The following MYSM1 variants were observed in gnomAD, a reference collection of about 807,000 sequenced individuals.
MYSM1 encodes the protein deubiquitinase MYSM1.
A neutral mutation model predicts 116.0 loss-of-function variants in MYSM1; 51 were observed. That is an observed-to-expected ratio of 0.44 (90% CI 0.35 to 0.56). The LOEUF is 0.56. Among genes scored for constraint, MYSM1 ranks in the 20% least tolerant of loss-of-function variants. The pLI is 0.00. For missense variants in MYSM1, 900 were observed against 974.9 expected (o/e 0.92, Z 1.02); for synonymous variants, 313 against 315.2 (o/e 0.99, Z 0.07).
chr1:58,674,467 T>C (rs1644612921), intron 10 of MYSM1, among the ~76,000 whole-genome samples: 1 of 152,190 alleles, frequency 6.6e-6, no homozygotes, highest in Non-Finnish European at 1.5e-5. Flanking sequence ...CTCTAATTGA[T>C]AACATCTTTA....
Position 58,661,455 on chromosome 1 carries a change from C to T in MYSM1, c.2221G>A (p.Val741Ile), listed in dbSNP as rs1393674482. 4 of 1,609,316 alleles carry T rather than the reference C, an allele frequency of 2.5e-6. No individual in the cohort carries two copies. In the South Asian group the frequency reaches 4.4e-5, roughly 18 times the overall value. Reference sequence around the variant, plus strand: ...ATTATCCATCTTGTCTTTTCAAATACTAATCCCCACTGAGGTTCTTCTAAC... The same window carrying T: ...ATTATCCATCTTGTCTTTTCAAATATTAATCCCCACTGAGGTTCTTCTAAC... ...QMLEEPQWGL[V>I]FEKTRWIIEK... Residue 741 changes from valine to isoleucine, a missense_variant, in exon 18 of 20, where the codon GTA becomes ATA. Val to Ile is a conservative substitution (Grantham distance 29, BLOSUM62 3). Around this residue, in one of 3 missense-constraint regions of MYSM1, gnomAD observed 186 missense variants for 196.2 expected, o/e 0.95. Transcript: ENST00000472487.
In MYSM1 at chr1:58,690,373, T is replaced by C. The variant is rs1454736366; in HGVS notation, c.263A>G (p.Asp88Gly). Reference sequence around the variant, plus strand: ...GTATTTTTTATCATCTTCCTTTTGATCAAGCCAGACTTTTTCCGGTTGTGA... The same window carrying C: ...GTATTTTTTATCATCTTCCTTTTGACCAAGCCAGACTTTTTCCGGTTGTGA... ...KKSQPEKVWL[D>G]QKEDDKKYMK... Residue 88 changes from aspartate to glycine, a missense_variant, in exon 4 of 20, where the codon GAT becomes GGT. By Grantham distance (94) the Asp-to-Gly change is moderately conservative (BLOSUM62 -1). Transcript: ENST00000472487. The C allele has an allele frequency of 6.2e-7, 1 of 1,604,528 alleles. No homozygotes were observed. Among genetic ancestry groups the C allele is most frequent in the South Asian group, 1.1e-5 (1 of 88,890 alleles).
At chr1:58,678,877 G>A (rs754392457) in intron 8 of MYSM1, among the ~76,000 whole-genome samples, 1 of 152,162 alleles carries the variant, frequency 6.6e-6, no homozygotes, top group East Asian at 1.9e-4. Flanking sequence ...TGAAAATAAT[G>A]AGTCAAGACT....
At chr1:58,699,707 G>A (rs1264321166) in intron 1 of MYSM1, 2 of 985,272 alleles carry the variant, frequency 2.0e-6, no homozygotes, top group Non-Finnish European at 2.4e-6. Context: ...GAATCTAAAT[G>A]TAAATCAAAC....
At chr1:58,669,667 A>G (rs1042306832) in intron 12 of MYSM1, among the ~76,000 whole-genome samples, 14 of 151,900 alleles carry the variant, frequency 9.2e-5, no homozygotes, top group African/African-American at 3.4e-4. Flanking sequence ...CCCCTACAAA[A>G]GAATTTCAAA....
chr1:58,659,499 T>G lies in MYSM1; in HGVS notation c.*498A>C, dbSNP rs1644362444. ...TGTCATGCCTCTCCTGGTCTCCTGT[T>G]AGATTTATTAATCAGTAGTTCTAAA... On this transcript the variant is annotated 3_prime_UTR_variant, in exon 20 of 20. Coordinates refer to ENST00000472487, the MANE Select transcript of MYSM1 (RefSeq NM_001085487.3). 6.6e-6 allele frequency: 1 copy of G among 152,216 alleles called. No individual in the cohort carries two copies. The highest frequency in any genetic ancestry group is 1.5e-5 in the Non-Finnish European group (1 of 68,032). The allele number at this position is 152,216 out of a possible 1,614,324, so 9.4% of individuals were successfully genotyped here.
At chr1:58,696,518 C>A (rs1644976322) in intron 1 of MYSM1, among the ~76,000 whole-genome samples, 1 of 152,214 alleles carries the variant, frequency 6.6e-6, no homozygotes, top group South Asian at 2.1e-4. Context: ...TTCTTCACAA[C>A]CCCCATTTAA....
chr1:58,670,835 A>G (rs550753595), intron 12 of MYSM1, among the ~76,000 whole-genome samples: 1 of 152,348 alleles, frequency 6.6e-6, no homozygotes, highest in South Asian at 2.1e-4. Context: ...AGTGCTACAA[A>G]GGCTAAAATG....
chr1:58,675,133 A>C (rs577596640), intron 10 of MYSM1, among the ~76,000 whole-genome samples: 56 of 152,150 alleles, frequency 3.7e-4, no homozygotes, highest in South Asian at 8.3e-4. Context: ...AGAATTTTAA[A>C]AGAAAAATCA....
intron 1 of MYSM1, chr1:58,699,493 T>A (rs1008404665): frequency 2.9e-6 from 1 of 345,268 alleles, no homozygotes; most frequent in Non-Finnish European, 4.1e-6. Flanking sequence ...ACTGTCCAAC[T>A]CTAAAACCTG....
intron 3 of MYSM1, 140 bp downstream of exon 3, chr1:58,692,721 A>G: frequency 1.8e-6 from 1 of 564,220 alleles, no homozygotes; most frequent in Non-Finnish European, 3.1e-6. Flanking sequence ...TTTTGCATAC[A>G]TAGGTAACAT....
At chr1:58,668,820 G>C (rs1010658999) in intron 13 of MYSM1, 138 bp from the exon 14 acceptor site, 2 of 1,003,398 alleles carry the variant, frequency 2.0e-6, no homozygotes, top group South Asian at 3.0e-5. Flanking sequence ...GCACAAACTA[G>C]ACTTTTAAAA....
chr1:58,675,495 G>C lies in MYSM1; in HGVS notation c.1476C>G (p.Ala492=), dbSNP rs1644636629. ...TGCTTACCATAGACTGCAGACGCTGGGCAAGTTGGTATGCTTCTACTGCAT... is the reference window on the plus strand; with the variant it reads ...TGCTTACCATAGACTGCAGACGCTGCGCAAGTTGGTATGCTTCTACTGCAT... ...RKDAVEAYQL[A]QRLQSMRTRR... is the part of the protein sequence containing the mutation. The change falls in exon 10 of 20, where the codon GCC becomes GCG. Residue 492 remains alanine, a synonymous_variant. Transcript: ENST00000472487. The C allele has an allele frequency of 6.2e-7, 1 of 1,611,630 alleles. No individual in the cohort carries two copies. Among genetic ancestry groups the C allele is most frequent in the Admixed American group, 1.7e-5 (1 of 59,848 alleles).
chr1:58,681,745 C>G (rs903261203), intron 8 of MYSM1, 40 bp downstream of exon 8: 3 of 1,510,312 alleles, frequency 2.0e-6, no homozygotes, highest in South Asian at 1.4e-5. Context: ...TTCAGAATAT[C>G]ACGTTTTAAA....
chr1:58,688,304 C>T (rs1386032562), intron 6 of MYSM1, among the ~76,000 whole-genome samples: 1 of 151,018 alleles, frequency 6.6e-6, no homozygotes, highest in Non-Finnish European at 1.5e-5. Flanking sequence ...TTTATATATA[C>T]AAATATTCTA....
chr1:58,685,769 T>C (rs185567925), intron 6 of MYSM1, among the ~76,000 whole-genome samples: 28 of 152,290 alleles, frequency 1.8e-4, no homozygotes, highest in Admixed American at 1.0e-3. Context: ...ATCGATTAAA[T>C]CACAAATGAG....
At position 58,699,977 on chromosome 1, in the gene MYSM1, A is replaced by G. The variant is rs1331685903; in HGVS notation, c.68+8T>C. ...CCGCCCCAGAGAGACCCGGTCTCTA[A>G]GCCTCACCCTGGCTGTGCCCCCGCC... On this transcript the variant is annotated splice_region_variant and intron_variant, in intron 1 of 19. Coordinates refer to ENST00000472487, the MANE Select transcript of MYSM1 (RefSeq NM_001085487.3). The G allele has an allele frequency of 6.2e-7, 1 of 1,613,456 alleles. No individual in the cohort carries two copies. The highest frequency in any genetic ancestry group is 8.5e-7 in the Non-Finnish European group (1 of 1,179,946).
intron 12 of MYSM1, among the ~76,000 whole-genome samples, chr1:58,669,820 A>T (rs1264693699): frequency 5.0e-5 from 6 of 120,118 alleles, no homozygotes; most frequent in African/African-American, 1.9e-4. Context: ...TGGGTGACAG[A>T]GTGAGACCCT....
At chr1:58,677,161 T>C in intron 8 of MYSM1, 105 bp from the exon 9 acceptor site, 5 of 960,238 alleles carry the variant, frequency 5.2e-6, no homozygotes, top group Non-Finnish European at 7.7e-6. Context: ...TTTTAACCCC[T>C]TTCAATGTAT....
Sources: gnomAD v4.1 joint callset for allele counts (sites outside exome capture counted in the v4.1 genomes callset) on GRCh38, gnomAD v4.1.1 for gene constraint, gnomAD v4.1.1 regional missense constraint, MANE v1.5 for transcripts, NCBI Gene and HGNC (gene_info 2026-07-23, HGNC 2026-07-21) for gene names.